Variants in HDGFL2 observed in about 807,000 individuals in gnomAD.
HDGFL2 encodes hepatoma-derived growth factor-related protein 2.
HDGFL2 carries 36 observed loss-of-function variants against 77.1 expected under a neutral mutation model. The ratio of observed to expected loss-of-function variants is 0.47; its 90% CI spans 0.36 to 0.62. The LOEUF (loss-of-function observed/expected upper bound fraction) is 0.62, where lower values mean the gene tolerates loss of function less well. HDGFL2 is among the 20% of genes least tolerant of loss of function. The pLI is 0.00. For synonymous variants in HDGFL2, 463 were observed against 413.1 expected, an observed-to-expected ratio of 1.12 and a Z score of -1.46; for missense variants, 976 against 973.4, an observed-to-expected ratio of 1.00 and a Z score of -0.04.
chr19:4,472,945 G>T (rs1440875482), intron 1 of HDGFL2, among the ~76,000 whole-genome samples: 1 of 150,778 alleles, frequency 6.6e-6, no homozygotes, highest in African/African-American at 2.4e-5. Flanking sequence ...GGTTCTGAGG[G>T]TGTCTGCGGC....
chr19:4,476,891 G>T (rs1266545422), intron 3 of HDGFL2, among the ~76,000 whole-genome samples: 8 of 151,890 alleles, frequency 5.3e-5, no homozygotes, highest in Non-Finnish European at 1.2e-4. Context: ...TCTGTGACAG[G>T]CTGGGGGCCG....
intron 12 of HDGFL2, 108 bp from the exon 13 acceptor site, chr19:4,498,706 G>A (rs1290174400): frequency 5.5e-6 from 4 of 725,786 alleles, no homozygotes; most frequent in South Asian, 3.2e-5. Context: ...TGCAGATACA[G>A]CTCCCCTCAA....
At chr19:4,473,221 C>G (rs567383922) in intron 1 of HDGFL2, among the ~76,000 whole-genome samples, 2 of 142,048 alleles carry the variant, frequency 1.4e-5, no homozygotes, top group East Asian at 4.3e-4. Flanking sequence ...TGGGGGGTGT[C>G]CAGGGCCTGA....
intron 4 of HDGFL2, among the ~76,000 whole-genome samples, chr19:4,490,142 C>CAAT (rs1268095797): frequency 1.3e-5 from 2 of 152,110 alleles, no homozygotes; most frequent in Non-Finnish European, 2.9e-5. Context: ...GGCTGGAGTG[C>CAAT]AATGGCATGA....
chr19:4,494,810 C>T (rs1047659381), intron 9 of HDGFL2, among the ~76,000 whole-genome samples: 1 of 152,098 alleles, frequency 6.6e-6, no homozygotes, highest in African/African-American at 2.4e-5. Context: ...GTCCCGGCTG[C>T]TCAGGAGGCT....
At chr19:4,497,883 A>T in intron 10 of HDGFL2, 75 bp from the exon 11 acceptor site, 3 of 1,346,284 alleles carry the variant, frequency 2.2e-6, no homozygotes, top group Non-Finnish European at 3.1e-6. Context: ...GTTTGGGTCC[A>T]CCCCTTCAGG....
chr19:4,472,300 C>T lies in HDGFL2; in HGVS notation c.-51C>T, dbSNP rs775146942. 1.6e-5 allele frequency: 22 copies of T among 1,366,000 alleles called. No individual in the cohort carries two copies. The highest frequency in any genetic ancestry group is 2.0e-5 in the Non-Finnish European group (21 of 1,038,176). The allele number at this position is 1,366,000 out of a possible 1,614,324, so 84.6% of individuals were successfully genotyped here. ...CTGCCGCCGCCGCCGCCGCCGCAGC[C>T]GCTACCGCCGCTGCAGCCGCTTTCC... On this transcript the variant is annotated 5_prime_UTR_variant, in exon 1 of 16. Coordinates refer to ENST00000616600, the MANE Select transcript of HDGFL2 (RefSeq NM_001001520.3).
At chr19:4,496,548 G>A in intron 10 of HDGFL2, 143 bp downstream of exon 10, 1 of 683,066 alleles carries the variant, frequency 1.5e-6, no homozygotes, top group South Asian at 1.7e-5. Context: ...CTTGGGTTGT[G>A]TGGGCTGCGT....
chr19:4,487,352 G>A (rs1244503084), intron 3 of HDGFL2, among the ~76,000 whole-genome samples: 1 of 151,994 alleles, frequency 6.6e-6, no homozygotes, highest in Admixed American at 6.6e-5. Context: ...TGCCTCCTAG[G>A]CTCAAGCGAT....
At chr19:4,496,201 A>T (rs2288930) in intron 9 of HDGFL2, 101 bp from the exon 10 acceptor site, 1 of 934,880 alleles carries the variant, frequency 1.1e-6, no homozygotes, top group Non-Finnish European at 1.7e-6. Flanking sequence ...GTGGAGGGCG[A>T]CAGAAAGGGT....
chr19:4,493,066 CTG>C lies in HDGFL2; in HGVS notation c.679-630_679-629del, dbSNP rs529055451. Among the ~76,000 whole-genome samples, 25 of 69,922 alleles carry C rather than the reference CTG, an allele frequency of 3.6e-4. 1 individual carries two copies. The highest frequency in any genetic ancestry group is 9.0e-4 in the Admixed American group (5 of 5,536). The allele number at this position is 69,922 out of a possible 152,430, so 45.9% of individuals were successfully genotyped here. On this transcript the variant is annotated intron_variant, in intron 6 of 15. Coordinates refer to ENST00000616600, the MANE Select transcript of HDGFL2 (RefSeq NM_001001520.3). ...GGTATCTGTGTGGTGTGTGTGTTGT[CTG>C]TGTGTGGTGTGTGTGTGTTATCTGT...
chr19:4,483,164 T>C (rs909049620), intron 3 of HDGFL2, among the ~76,000 whole-genome samples: 2 of 152,154 alleles, frequency 1.3e-5, no homozygotes, highest in Non-Finnish European at 2.9e-5. Context: ...TTGTCAAAAA[T>C]TACACAGACA....
intron 3 of HDGFL2, among the ~76,000 whole-genome samples, chr19:4,481,615 C>A (rs147847148): frequency 6.6e-6 from 1 of 152,110 alleles, no homozygotes; most frequent in Non-Finnish European, 1.5e-5. Flanking sequence ...CTTGAGCCAC[C>A]GCGCCCGGCC....
rs1183743392 is a variant in HDGFL2, at chr19:4,496,055, A to G, written c.1225-247A>G. Among the ~76,000 whole-genome samples the G allele has an allele frequency of 2.1e-4, 32 of 152,088 alleles. 1 individual carries two copies. On this transcript the variant is annotated intron_variant, in intron 9 of 15. Coordinates refer to ENST00000616600, the MANE Select transcript of HDGFL2 (RefSeq NM_001001520.3). ...GGAGGCGTTTCAGCCACAGCCCAGGACTGCTGGGCAGGAGGAGTGAAGGGG... is the reference window on the plus strand; with the variant it reads ...GGAGGCGTTTCAGCCACAGCCCAGGGCTGCTGGGCAGGAGGAGTGAAGGGG...
chr19:4,482,474 C>T (rs908261081), intron 3 of HDGFL2, among the ~76,000 whole-genome samples: 1 of 152,144 alleles, frequency 6.6e-6, no homozygotes, highest in African/African-American at 2.4e-5. Context: ...TCCCCAAGTG[C>T]TGGGATTATA....
chr19:4,489,927 G>C (rs1975463244), intron 4 of HDGFL2, among the ~76,000 whole-genome samples: 1 of 152,004 alleles, frequency 6.6e-6, no homozygotes, highest in Non-Finnish European at 1.5e-5. Flanking sequence ...CTGGCCCCTG[G>C]CACCCACACA....
chr19:4,479,847 A>G (rs1468749487), intron 3 of HDGFL2, among the ~76,000 whole-genome samples: 1 of 150,998 alleles, frequency 6.6e-6, no homozygotes, highest in Non-Finnish European at 1.5e-5. Flanking sequence ...CGGAAGTTGC[A>G]GTGAGCTGAG....
At chr19:4,495,817 C>T (rs1245561723) in intron 9 of HDGFL2, among the ~76,000 whole-genome samples, 2 of 152,074 alleles carry the variant, frequency 1.3e-5, no homozygotes, top group Admixed American at 6.6e-5. Flanking sequence ...TCCTATACCA[C>T]GTGTGGTGCT....
chr19:4,487,481 T>C (rs962221938), intron 3 of HDGFL2, among the ~76,000 whole-genome samples: 17 of 151,664 alleles, frequency 1.1e-4, no homozygotes, highest in Admixed American at 1.1e-3. Flanking sequence ...GGTCTTGAAC[T>C]CCTGGGCTCA....
Sources: gnomAD v4.1 joint callset for allele counts (sites outside exome capture counted in the v4.1 genomes callset) on GRCh38, gnomAD v4.1.1 for gene constraint, MANE v1.5 for transcripts, NCBI Gene and HGNC (gene_info 2026-07-23, HGNC 2026-07-21) for gene names.